The following GRIP1 variants were observed in gnomAD, a reference collection of about 807,000 sequenced individuals.
GRIP1 encodes glutamate receptor-interacting protein 1.
GRIP1 carries 45 observed loss-of-function variants against 129.9 expected under a neutral mutation model. The observed-to-expected ratio is 0.35, with a 90% CI of 0.27 to 0.44. GRIP1 has a LOEUF of 0.44. Among genes scored for constraint, GRIP1 ranks in the 20% least tolerant of loss-of-function variants. GRIP1 has a pLI of 1.00. For synonymous variants in GRIP1, 530 were observed against 520.8 expected, an observed-to-expected ratio of 1.02 and a Z score of -0.24; for missense variants, 1,196 against 1,396.8, an observed-to-expected ratio of 0.86 and a Z score of 2.29.
rs918106364 is a variant in GRIP1 at position 66,410,022 on chromosome 12, G to A, written c.1839-3594C>T. Among the ~76,000 whole-genome samples, 9 of 151,548 alleles carry A rather than the reference G, an allele frequency of 5.9e-5. No individual in the cohort carries two copies. In the South Asian group the frequency reaches 8.4e-4, roughly 14 times the overall value. The stretch of plus-strand genomic sequence containing the variant: ...TCCCAGCACTTTGGGAGGCCGAGGC[G>A]GGCGGATCACGAGGTCAGGAGATCG... On this transcript the variant is annotated intron_variant, in intron 15 of 24. Transcript: ENST00000359742.
intron 1 of GRIP1, among the ~76,000 whole-genome samples, chr12:66,838,532 A>G (rs915477973): frequency 6.6e-6 from 1 of 152,176 alleles, no homozygotes; most frequent in Non-Finnish European, 1.5e-5. Context: ...GAGGCACAAC[A>G]CGCTCATTCA....
At chr12:66,534,413 G>A (rs2061548875) in intron 4 of GRIP1, among the ~76,000 whole-genome samples, 1 of 151,966 alleles carries the variant, frequency 6.6e-6, no homozygotes, top group African/African-American at 2.4e-5. Flanking sequence ...TGTAGCCTCT[G>A]GTCTTTTCTC....
At chr12:66,503,742 G>C (rs2060453177) in intron 7 of GRIP1, among the ~76,000 whole-genome samples, 1 of 152,124 alleles carries the variant, frequency 6.6e-6, no homozygotes, top group Non-Finnish European at 1.5e-5. Context: ...TCAGAGTGTG[G>C]TGAACAGGAG....
chr12:66,592,130 G>A (rs905833306), intron 2 of GRIP1, among the ~76,000 whole-genome samples: 4 of 152,182 alleles, frequency 2.6e-5, no homozygotes, highest in Non-Finnish European at 4.4e-5. Flanking sequence ...AGAGAGGGCA[G>A]AACCTTCAAA....
At chr12:66,713,420 G>C (rs2035772559) in intron 1 of GRIP1, among the ~76,000 whole-genome samples, 1 of 152,016 alleles carries the variant, frequency 6.6e-6, no homozygotes, top group Non-Finnish European at 1.5e-5. Context: ...ACTGCACTCA[G>C]CTAGACTAAG....
In GRIP1 at chr12:66,678,960, T is replaced by TGCA. The variant is rs1408950152; in HGVS notation, c.-59_-57dup. 2.1e-5 allele frequency: 34 copies of TGCA among 1,611,640 alleles called. No homozygotes were observed. The highest frequency in any genetic ancestry group is 2.9e-5 in the Non-Finnish European group (34 of 1,178,548). On this transcript the variant is annotated 5_prime_UTR_variant, in exon 1 of 25. Transcript: ENST00000359742. ...ACTCAAGGCTCTCTGCTCTGGTGGC[T>TGCA]GCAGCAGCAGCAGCATATGAATTCC...
intron 23 of GRIP1, 64 bp downstream of exon 23, chr12:66,371,630 C>T (rs1172358411): frequency 1.9e-5 from 19 of 1,006,094 alleles, no homozygotes; most frequent in Admixed American, 1.4e-4. Context: ...TACATCTCGG[C>T]GTACATGCTA....
intron 1 of GRIP1, among the ~76,000 whole-genome samples, chr12:66,785,343 C>CATATATACATATATATATATAT (rs2038301656): frequency 1.4e-5 from 1 of 72,780 alleles, no homozygotes; most frequent in South Asian, 5.9e-4. Context: ...TACATACATA[C>CATATATACATATATATATATAT]ATATATATAT....
At chr12:66,645,809 A>G (rs2032316898) in intron 1 of GRIP1, among the ~76,000 whole-genome samples, 1 of 152,208 alleles carries the variant, frequency 6.6e-6, no homozygotes, top group South Asian at 2.1e-4. Context: ...AAAGCTTACC[A>G]CTATTTGACT....
At chr12:66,731,673 G>T (rs1227819876) in intron 1 of GRIP1, among the ~76,000 whole-genome samples, 1 of 152,172 alleles carries the variant, frequency 6.6e-6, no homozygotes, top group African/African-American at 2.4e-5. Flanking sequence ...TCATAATAAA[G>T]AAATTTTAAA....
chr12:67,061,443 G>C (rs1159352678), intron 1 of GRIP1, among the ~76,000 whole-genome samples: 2 of 152,336 alleles, frequency 1.3e-5, no homozygotes, highest in South Asian at 4.1e-4. Flanking sequence ...CAGGGAAAAT[G>C]GCTAAGAGAC....
chr12:66,521,913 C>T (rs1334312061), intron 5 of GRIP1, among the ~76,000 whole-genome samples: 1 of 152,212 alleles, frequency 6.6e-6, no homozygotes, highest in Non-Finnish European at 1.5e-5. Flanking sequence ...GCTAGCACAG[C>T]AGTCTGAGAT....
At chr12:66,969,059 A>T (rs969945357) in intron 1 of GRIP1, among the ~76,000 whole-genome samples, 2 of 152,124 alleles carry the variant, frequency 1.3e-5, no homozygotes, top group African/African-American at 4.8e-5. Context: ...TCACTTGCAT[A>T]GTTTATGATG....
chr12:66,880,791 GACCTGT>G (rs1394416206), intron 1 of GRIP1, among the ~76,000 whole-genome samples: 3 of 152,150 alleles, frequency 2.0e-5, no homozygotes, highest in Admixed American at 6.5e-5. Flanking sequence ...CTGATTAACC[GACCTGT>G]ACATTTATAT....
intron 1 of GRIP1, among the ~76,000 whole-genome samples, chr12:66,707,067 A>T (rs943692545): frequency 4.0e-5 from 6 of 151,728 alleles, no homozygotes; most frequent in Admixed American, 6.6e-5. Context: ...TAAGATTTTT[A>T]AAAAATGTTC....
In GRIP1 at chr12:66,851,042, T is replaced by C. The variant is rs17182498; in HGVS notation, c.58+218008A>G. On this transcript the variant is annotated intron_variant, in intron 1 of 1. Transcript: ENST00000643019. ...ACTTCATTCCAAAAGTGATTTGAGGTAAATACTCAGCAAATAGTAGGCGCT... is the reference window on the plus strand; with the variant it reads ...ACTTCATTCCAAAAGTGATTTGAGGCAAATACTCAGCAAATAGTAGGCGCT... Among the ~76,000 whole-genome samples, 1,335 of 151,060 alleles carry C rather than the reference T, an allele frequency of 8.8e-3. 14 individuals carry two copies. Among genetic ancestry groups the C allele is most frequent in the Non-Finnish European group, 0.012 (825 of 67,796 alleles).
At chr12:66,753,071 C>T (rs987110079) in intron 1 of GRIP1, among the ~76,000 whole-genome samples, 4 of 152,092 alleles carry the variant, frequency 2.6e-5, no homozygotes, top group Non-Finnish European at 5.9e-5. Flanking sequence ...CCAGCCCCTA[C>T]CCACCAATGC....
intron 24 of GRIP1, among the ~76,000 whole-genome samples, chr12:66,350,218 C>A (rs1474053946): frequency 2.6e-5 from 4 of 152,078 alleles, no homozygotes; most frequent in Admixed American, 6.6e-5. Flanking sequence ...GTTATTGTGG[C>A]CAGGTGCAGT....
At chr12:67,055,087 A>G (rs1227920384) in intron 1 of GRIP1, among the ~76,000 whole-genome samples, 1 of 152,238 alleles carries the variant, frequency 6.6e-6, no homozygotes, top group African/African-American at 2.4e-5. Context: ...AACAACTACT[A>G]TGGAGTTAAT....
Sources: gnomAD v4.1 joint callset for allele counts (sites outside exome capture counted in the v4.1 genomes callset) on GRCh38, gnomAD v4.1.1 for gene constraint, MANE v1.5 for transcripts, NCBI Gene and HGNC (gene_info 2026-07-23, HGNC 2026-07-21) for gene names.